Variants in PPP2R2C observed in about 807,000 individuals in gnomAD.
PPP2R2C encodes the protein protein phosphatase 2, regulatory subunit B, gamma.
A neutral mutation model predicts 45.3 loss-of-function variants in PPP2R2C; 10 were observed. The ratio of observed to expected loss-of-function variants is 0.22; its 90% CI spans 0.14 to 0.37. PPP2R2C has a LOEUF of 0.37. Among genes scored for constraint, PPP2R2C ranks in the 10% least tolerant of loss-of-function variants. PPP2R2C has a pLI of 1.00. For synonymous variants in PPP2R2C, 257 were observed against 245.4 expected, an observed-to-expected ratio of 1.05 and a Z score of -0.44; for missense variants, 308 against 619.7, an observed-to-expected ratio of 0.50 and a Z score of 5.34.
chr4:6,542,476 C>G (rs1184293487), intron 1 of PPP2R2C, among the ~76,000 whole-genome samples: 1 of 152,102 alleles, frequency 6.6e-6, no homozygotes, highest in Non-Finnish European at 1.5e-5. Context: ...GGCGAATCAC[C>G]TGAAGTCAGG....
chr4:6,380,983 C>A lies in PPP2R2C; in HGVS notation c.168+14G>T. 6.6e-7 allele frequency: 1 copy of A among 1,509,934 alleles called. No individual in the cohort carries two copies. Among genetic ancestry groups the A allele is most frequent in the South Asian group, 1.3e-5 (1 of 74,780 alleles). 93.5% of individuals were successfully genotyped at this position (1,509,934 alleles called of 1,614,324 possible). On this transcript the variant is annotated intron_variant, in intron 2 of 8. Coordinates refer to ENST00000382599, the MANE Select transcript of PPP2R2C (RefSeq NM_020416.4). ...CCACCCCTCCCACCTCCCACCAGAC[C>A]CAGGGCTTCGCACCTCTGGTTCCCG...
At chr4:6,505,474 T>C (rs796160144) in intron 2 of PPP2R2C, among the ~76,000 whole-genome samples, 1 of 152,228 alleles carries the variant, frequency 6.6e-6, no homozygotes, top group African/African-American at 2.4e-5. Flanking sequence ...ATCCATTCGA[T>C]AGCCATAGCA....
rs370849922 is a variant in PPP2R2C at position 6,486,721 on chromosome 4, CT to C, written c.49+48549del. Among the ~76,000 whole-genome samples, 37 of 152,114 alleles carry C rather than the reference CT, an allele frequency of 2.4e-4. 1 individual carries two copies. The highest frequency in any genetic ancestry group is 8.4e-4 in the African/African-American group (35 of 41,528). ...GCAATATATCTTTTTCATTGTTTTA[CT>C]TTTAACTCTTGTCTTTATATTTCAA... On this transcript the variant is annotated intron_variant, in intron 2 of 9. Transcript: ENST00000506140.
chr4:6,421,063 G>A (rs1718927585), intron 1 of PPP2R2C: 11 of 985,186 alleles, frequency 1.1e-5, no homozygotes, highest in African/African-American at 1.7e-5. Flanking sequence ...TCCTATTTGG[G>A]GTGTCCACAG....
Position 6,329,501 on chromosome 4 carries a change from C to T in PPP2R2C, c.961-148G>A, listed in dbSNP as rs1484545658. The T allele has an allele frequency of 4.3e-6, 3 of 702,320 alleles. No homozygotes were observed. The East Asian group carries it at 8.1e-5, about 19-fold the overall frequency. The allele number at this position is 702,320 out of a possible 1,614,324, so 43.5% of individuals were successfully genotyped here. ...TCATCTCAGCGAGGGTCTGAATGCTCTGACACAGCCCGACACAGCCCTGCT... is the reference window on the plus strand; with the variant it reads ...TCATCTCAGCGAGGGTCTGAATGCTTTGACACAGCCCGACACAGCCCTGCT... On this transcript the variant is annotated intron_variant, in intron 7 of 8. Transcript: ENST00000382599. The surrounding 1 kb of genome is among the most constrained non-coding windows in gnomAD (Gnocchi z 5.8).
rs2109168861 is a variant in PPP2R2C, at chr4:6,331,490, A to T, written c.960+2072T>A. On this transcript the variant is annotated intron_variant, in intron 7 of 8. Transcript: ENST00000382599. The surrounding 1 kb of genome is among the most constrained non-coding windows in gnomAD (Gnocchi z 5.9). ...CTTCAACCACAGAGGCTGTTAAACC[A>T]TTAATCTTCCCAGCCACTATGGTGG... Among the ~76,000 whole-genome samples, 2 of 152,272 alleles carry T rather than the reference A, an allele frequency of 1.3e-5. 1 individual carries two copies. Among genetic ancestry groups the T allele is most frequent in the Non-Finnish European group, 2.9e-5 (2 of 68,008 alleles).
At chr4:6,355,996 A>G (rs998985766) in intron 5 of PPP2R2C, among the ~76,000 whole-genome samples, 3,684 of 27,918 alleles carry the variant, frequency 0.13, 261 homozygotes, top group East Asian at 0.5. Context: ...CTGCCTGGAA[A>G]AAAAAAAAAA....
intron 1 of PPP2R2C, among the ~76,000 whole-genome samples, chr4:6,386,692 T>C (rs1477542816): frequency 3.3e-5 from 5 of 152,208 alleles, no homozygotes; most frequent in Non-Finnish European, 5.9e-5. Context: ...TCCAAAATTA[T>C]ATGAAGATAT....
chr4:6,501,934 A>C (rs931548088), intron 2 of PPP2R2C, among the ~76,000 whole-genome samples: 1 of 152,240 alleles, frequency 6.6e-6, no homozygotes, highest in African/African-American at 2.4e-5. Flanking sequence ...GCAGGTGCTT[A>C]GAAAGCATTT....
chr4:6,427,622 C>G (rs888492102), intron 1 of PPP2R2C, among the ~76,000 whole-genome samples: 3 of 152,210 alleles, frequency 2.0e-5, no homozygotes, highest in Admixed American at 2.0e-4. Flanking sequence ...GAGCCCTTTC[C>G]AGACACCTCA....
At chr4:6,351,404 G>C in intron 5 of PPP2R2C, 1 of 982,656 alleles carries the variant, frequency 1.0e-6, no homozygotes, top group Non-Finnish European at 1.2e-6. Flanking sequence ...CCCGAGCCAC[G>C]GCAACCCAGG....
intron 1 of PPP2R2C, among the ~76,000 whole-genome samples, chr4:6,546,168 C>T (rs1724975383): frequency 6.6e-6 from 1 of 152,190 alleles, no homozygotes; most frequent in Admixed American, 6.5e-5. Context: ...TCTGCAAGGT[C>T]AGGTTTATGG....
At chr4:6,499,343 C>G (rs1251365405) in intron 2 of PPP2R2C, among the ~76,000 whole-genome samples, 3 of 152,148 alleles carry the variant, frequency 2.0e-5, no homozygotes, top group African/African-American at 4.8e-5. Context: ...GGAGCGCAAC[C>G]CTGCCCCCTT....
At chr4:6,425,349 C>T (rs1719227985) in intron 1 of PPP2R2C, among the ~76,000 whole-genome samples, 1 of 152,328 alleles carries the variant, frequency 6.6e-6, no homozygotes, top group South Asian at 2.1e-4. Context: ...TGCTGTGTGT[C>T]CTGGGCACCT....
At chr4:6,455,692 T>C (rs1720985948) in intron 1 of PPP2R2C, among the ~76,000 whole-genome samples, 1 of 152,088 alleles carries the variant, frequency 6.6e-6, no homozygotes, top group Non-Finnish European at 1.5e-5. Flanking sequence ...TGACTCTCAG[T>C]TCCCTCTCCC....
At chr4:6,400,590 T>C (rs6446499) in intron 1 of PPP2R2C, among the ~76,000 whole-genome samples, 41,938 of 152,066 alleles carry the variant, frequency 0.28, 6,556 homozygotes, top group East Asian at 0.71. Context: ...GTGATTTGGG[T>C]GTTTGATCTA....
intron 8 of PPP2R2C, among the ~76,000 whole-genome samples, chr4:6,326,627 G>A (rs6446491): frequency 6.6e-6 from 1 of 152,028 alleles, no homozygotes; most frequent in East Asian, 1.9e-4. Context: ...ATCACACATG[G>A]TCTCATCCCC....
intron 1 of PPP2R2C, among the ~76,000 whole-genome samples, chr4:6,435,280 C>A (rs1243931495): frequency 1.3e-5 from 2 of 152,176 alleles, no homozygotes; most frequent in East Asian, 3.8e-4. Context: ...CATTCCATTG[C>A]ATACTTCACT....
In PPP2R2C at chr4:6,398,353, TC is replaced by T. The variant is rs377575453; in HGVS notation, c.71-17260del. 2.3e-4 allele frequency among the ~76,000 whole-genome samples: 35 copies of T among 152,222 alleles called. No homozygotes were observed. The East Asian group carries it at 6.2e-3, about 27-fold the overall frequency. On this transcript the variant is annotated intron_variant, in intron 1 of 8. Coordinates refer to ENST00000382599, the MANE Select transcript of PPP2R2C (RefSeq NM_020416.4). Reference sequence around the variant, plus strand: ...AGAGAAAATATTCGTAGTACATGTATCTAGTAAACCTCTTGTAGCCCGGATG... The same window carrying T: ...AGAGAAAATATTCGTAGTACATGTATTAGTAAACCTCTTGTAGCCCGGATG...
Sources: gnomAD v4.1 joint callset for allele counts (sites outside exome capture counted in the v4.1 genomes callset) on GRCh38, gnomAD v4.1.1 for gene constraint, Gnocchi (gnomAD v3.1) non-coding constraint, MANE v1.5 for transcripts, NCBI Gene and HGNC (gene_info 2026-07-23, HGNC 2026-07-21) for gene names.